SNX5: variants seen among roughly 807,000 people sequenced by gnomAD.
The protein encoded by SNX5 is sorting nexin-5.
Under a neutral mutation model 53.9 loss-of-function variants are expected in SNX5, and 31 were observed. The observed-to-expected ratio is 0.58, with a 90% CI of 0.43 to 0.78. SNX5 has a LOEUF of 0.78. Ranked by LOEUF, SNX5 falls within the 30% of genes least tolerant of loss-of-function variation. SNX5 has a pLI of 0.00. For synonymous variants in SNX5, 168 were observed against 171.1 expected (o/e 0.98, Z 0.14); for missense variants, 471 against 478.8 (o/e 0.98, Z 0.15).
intron 2 of SNX5, among the ~76,000 whole-genome samples, chr20:17,956,041 T>A (rs2035348204): frequency 6.6e-6 from 1 of 152,244 alleles, no homozygotes; most frequent in South Asian, 2.1e-4. Flanking sequence ...CCTCCCGAAG[T>A]GCTAGGATTA....
chr20:17,942,758 A>C lies in SNX5; in HGVS notation c.1165-351T>G, dbSNP rs112604493. The C allele has an allele frequency of 7.1e-4, 257 of 364,208 alleles. 1 individual carries two copies. The highest frequency in any genetic ancestry group is 4.7e-3 in the African/African-American group (222 of 47,546). The allele number at this position is 364,208 out of a possible 1,614,324, so 22.6% of individuals were successfully genotyped here. On this transcript the variant is annotated intron_variant, in intron 12 of 12. Coordinates refer to ENST00000377759, the MANE Select transcript of SNX5 (RefSeq NM_014426.4). ...GCAAGGGCCTTGGAAAGATTGAATA[A>C]AAGTTGCTAGAAATTAGGGCTGGGA...
rs2039588128 is a variant in SNX5 at position 17,952,722 on chromosome 20, T to G, written c.390-12A>C. ...CAGCGAGATACTCACTGAAAAGAGA[T>G]GTGCACATGGCATTCAGTTGACACA... On this transcript the variant is annotated splice_polypyrimidine_tract_variant and intron_variant, in intron 4 of 12. Transcript: ENST00000377759. 6.2e-7 allele frequency: 1 copy of G among 1,608,330 alleles called. No individual in the cohort carries two copies. Among genetic ancestry groups the G allele is most frequent in the African/African-American group, 1.3e-5 (1 of 74,342 alleles).
intron 8 of SNX5, 58 bp from the exon 9 acceptor site, chr20:17,949,161 T>C: frequency 1.4e-6 from 2 of 1,445,306 alleles, no homozygotes; most frequent in Non-Finnish European, 9.7e-7. Context: ...AAACATGATC[T>C]TACCAGTGTG....
chr20:17,946,088 A>G (rs1313705468), intron 11 of SNX5, among the ~76,000 whole-genome samples: 1 of 152,198 alleles, frequency 6.6e-6, no homozygotes, highest in Non-Finnish European at 1.5e-5. Flanking sequence ...TAAGGACTAC[A>G]TATTATACTC....
chr20:17,964,718 T>C (rs2035510495), intron 1 of SNX5, among the ~76,000 whole-genome samples: 1 of 152,222 alleles, frequency 6.6e-6, no homozygotes. Flanking sequence ...CCACGGGCTA[T>C]TTAAGACATT....
chr20:17,945,420 T>C (rs946170318), intron 11 of SNX5: 3 of 152,226 alleles, frequency 2.0e-5, no homozygotes, highest in Non-Finnish European at 2.9e-5. Flanking sequence ...AGTGTACCTA[T>C]CTGGCATTTT....
intron 4 of SNX5, among the ~76,000 whole-genome samples, chr20:17,953,583 A>T (rs1424128387): frequency 6.6e-6 from 1 of 152,054 alleles, no homozygotes; most frequent in Non-Finnish European, 1.5e-5. Flanking sequence ...GTTCGAGACC[A>T]GCCGGGGCAA....
chr20:17,960,614 A>C (rs756719100), intron 1 of SNX5, among the ~76,000 whole-genome samples: 1 of 149,564 alleles, frequency 6.7e-6, no homozygotes, highest in East Asian at 2.0e-4. Context: ...AACAAACAAA[A>C]AAACACACAC....
chr20:17,952,058 C>T (rs939110221), intron 5 of SNX5, among the ~76,000 whole-genome samples: 2 of 152,122 alleles, frequency 1.3e-5, no homozygotes, highest in Non-Finnish European at 2.9e-5. Flanking sequence ...CCCATCTCTA[C>T]TAAAAATACA....
chr20:17,962,676 A>G (rs1486274593), intron 1 of SNX5: 1 of 515,748 alleles, frequency 1.9e-6, no homozygotes, highest in Admixed American at 2.0e-5. Flanking sequence ...CTACTCAGGC[A>G]TCGGCTTAAT....
chr20:17,960,550 C>T (rs1249852304), intron 1 of SNX5, among the ~76,000 whole-genome samples: 4 of 152,006 alleles, frequency 2.6e-5, no homozygotes, highest in Admixed American at 2.0e-4. Context: ...GCCGACATCA[C>T]GCGACTGCAC....
intron 1 of SNX5, chr20:17,961,019 G>A (rs916744498): frequency 2.1e-5 from 10 of 476,956 alleles, no homozygotes; most frequent in South Asian, 1.8e-4. Flanking sequence ...AAACAAGCAC[G>A]GCTTCATTTG....
intron 3 of SNX5, among the ~76,000 whole-genome samples, 190 bp downstream of exon 3, chr20:17,955,175 G>A (rs1194947870): frequency 6.6e-6 from 1 of 152,102 alleles, no homozygotes; most frequent in Non-Finnish European, 1.5e-5. Context: ...ATGTAAGCCT[G>A]TATGCACCAC....
In SNX5 at chr20:17,942,334, C is replaced by A. The variant is rs759037260; in HGVS notation, c.*23G>T. 4 of 1,516,640 alleles carry A rather than the reference C, an allele frequency of 2.6e-6. No individual in the cohort carries two copies. The highest frequency in any genetic ancestry group is 2.7e-5 in the African/African-American group (2 of 72,776). The allele number at this position is 1,516,640 out of a possible 1,614,324, so 93.9% of individuals were successfully genotyped here. Reference sequence around the variant, plus strand: ...GCTTGGCTTTCTTTCACATTCATTTCTTTTCTTCTGAGTGAAGGCATATCA... The same window carrying A: ...GCTTGGCTTTCTTTCACATTCATTTATTTTCTTCTGAGTGAAGGCATATCA... On this transcript the variant is annotated 3_prime_UTR_variant, in exon 13 of 13. Coordinates refer to ENST00000377759, the MANE Select transcript of SNX5 (RefSeq NM_014426.4).
intron 6 of SNX5, among the ~76,000 whole-genome samples, chr20:17,950,640 A>C (rs897379286): frequency 1.3e-5 from 2 of 152,208 alleles, no homozygotes; most frequent in African/African-American, 4.8e-5. Context: ...TAAAACTGGC[A>C]CCCTAAGACA....
intron 6 of SNX5, 44 bp from the exon 7 acceptor site, chr20:17,950,440 T>C (rs760057274): frequency 1.8e-6 from 2 of 1,081,976 alleles, no homozygotes; most frequent in Non-Finnish European, 2.8e-6. Context: ...TGAAATATAC[T>C]ATCCCTGCAG....
intron 1 of SNX5, among the ~76,000 whole-genome samples, chr20:17,963,618 A>G (rs940401988): frequency 2.0e-5 from 3 of 151,984 alleles, no homozygotes; most frequent in Non-Finnish European, 2.9e-5. Flanking sequence ...GCAGGGTCTC[A>G]CTCTGTTGCC....
In SNX5 at chr20:17,942,522, A is replaced by G. The variant is rs947144054; in HGVS notation, c.1165-115T>C. The G allele has an allele frequency of 5.1e-6, 4 of 777,564 alleles. No individual in the cohort carries two copies. In the East Asian group the frequency reaches 1.0e-4, roughly 19 times the overall value. The allele number at this position is 777,564 out of a possible 1,614,324, so 48.2% of individuals were successfully genotyped here. On this transcript the variant is annotated intron_variant, in intron 12 of 12. Coordinates refer to ENST00000377759, the MANE Select transcript of SNX5 (RefSeq NM_014426.4). ...CGGGAGGTTTAAAGTCAGCCAGAGCAAGCTGGCCCTTCTCTTCATCAAATC... is the reference window on the plus strand; with the variant it reads ...CGGGAGGTTTAAAGTCAGCCAGAGCGAGCTGGCCCTTCTCTTCATCAAATC...
At chr20:17,961,217 C>A (rs2035442619) in intron 1 of SNX5, 2 of 985,436 alleles carry the variant, frequency 2.0e-6, no homozygotes, top group Non-Finnish European at 2.4e-6. Flanking sequence ...CTCCTGCCCA[C>A]CAGTCTTCAT....
Sources: allele counts gnomAD v4.1 joint callset (sites outside exome capture counted in the v4.1 genomes callset), GRCh38; gene constraint gnomAD v4.1.1; transcripts MANE v1.5; gene names NCBI Gene and HGNC (gene_info 2026-07-23, HGNC 2026-07-21).